FMN1: variants seen among roughly 807,000 people sequenced by gnomAD.
The protein encoded by FMN1 is formin-1.
A neutral mutation model predicts 132.4 loss-of-function variants in FMN1; 110 were observed. The observed-to-expected ratio is 0.83, with a 90% CI of 0.71 to 0.97. The LOEUF (loss-of-function observed/expected upper bound fraction) is 0.97. FMN1 is among the 50% of genes least tolerant of loss of function. The probability of loss-of-function intolerance (pLI) is 0.00; values close to 1 mark genes in which losing one functional copy is unlikely to be tolerated. For synonymous variants in FMN1, 722 were observed against 651.7 expected, an observed-to-expected ratio of 1.11 and a Z score of -1.64; for missense variants, 1,792 against 1,705.3, an observed-to-expected ratio of 1.05 and a Z score of -0.90.
At chr15:32,930,594 T>C (rs1054390558) in intron 9 of FMN1, among the ~76,000 whole-genome samples, 6 of 152,120 alleles carry the variant, frequency 3.9e-5, no homozygotes, top group Non-Finnish European at 7.4e-5. Flanking sequence ...ATCAGACATA[T>C]GGTTTGCAAA....
chr15:32,931,542 A>T (rs1276543851), intron 9 of FMN1, among the ~76,000 whole-genome samples: 1 of 152,074 alleles, frequency 6.6e-6, no homozygotes, highest in Non-Finnish European at 1.5e-5. Context: ...TTGTTTGTTG[A>T]TTTGGAATCC....
intron 6 of FMN1, among the ~76,000 whole-genome samples, chr15:33,058,642 G>A (rs1343323315): frequency 6.6e-6 from 1 of 152,172 alleles, no homozygotes; most frequent in East Asian, 1.9e-4. Context: ...AAAGAACAGC[G>A]TGAAACAACC....
chr15:32,890,817 G>T (rs146300253), intron 15 of FMN1, among the ~76,000 whole-genome samples: 2,983 of 152,230 alleles, frequency 0.02, 67 homozygotes, highest in East Asian at 0.11. Context: ...CCTTGCCTAA[G>T]CCAACATCTA....
At chr15:32,973,574 T>TCCCCCCCCCC (rs1244811951) in intron 7 of FMN1, among the ~76,000 whole-genome samples, 1 of 142,698 alleles carries the variant, frequency 7.0e-6, no homozygotes, top group African/African-American at 2.8e-5. Flanking sequence ...TCTCTGCCCC[T>TCCCCCCCCCC]CACCCCCCCC....
intron 7 of FMN1, among the ~76,000 whole-genome samples, chr15:32,992,352 T>C (rs1354569285): frequency 6.6e-6 from 1 of 152,214 alleles, no homozygotes; most frequent in African/African-American, 2.4e-5. Flanking sequence ...CTCATTATAA[T>C]AATCACAGAT....
At chr15:32,947,297 C>T (rs1244953242) in intron 9 of FMN1, among the ~76,000 whole-genome samples, 1 of 152,024 alleles carries the variant, frequency 6.6e-6, no homozygotes, top group Non-Finnish European at 1.5e-5. Flanking sequence ...ATCTGAGATA[C>T]CACATTTGTC....
chr15:33,076,046 T>G (rs1157860790), intron 5 of FMN1, among the ~76,000 whole-genome samples: 1 of 152,184 alleles, frequency 6.6e-6, no homozygotes, highest in Non-Finnish European at 1.5e-5. Context: ...ATGGATTTAA[T>G]ATTGATGACA....
intron 4 of FMN1, among the ~76,000 whole-genome samples, chr15:33,144,420 A>G (rs1336713936): frequency 6.6e-6 from 1 of 152,102 alleles, no homozygotes; most frequent in Non-Finnish European, 1.5e-5. Flanking sequence ...GCGGATCATG[A>G]GGTCAGGAGA....
intron 6 of FMN1, among the ~76,000 whole-genome samples, chr15:33,062,385 G>A (rs1275668332): frequency 6.6e-6 from 1 of 152,254 alleles, no homozygotes; most frequent in Admixed American, 6.5e-5. Flanking sequence ...ACTTTGGGAG[G>A]TCGAGGCGGG....
At position 32,900,087 on chromosome 15, in the gene FMN1, A is replaced by C; in HGVS notation, c.3546T>G (p.Ala1182=). The C allele has an allele frequency of 6.2e-7, 1 of 1,613,836 alleles. No individual in the cohort carries two copies. The highest frequency in any genetic ancestry group is 8.5e-7 in the Non-Finnish European group (1 of 1,179,842). The part of the protein sequence containing the change: ...LHVKSVKDIL[A]LILAFGNYMN... ...TATAATTTCCAAAAGCCAAGATGAGAGCTAAAATATCCTTCACGCTCTTCA... is the reference window on the plus strand; with the variant it reads ...TATAATTTCCAAAAGCCAAGATGAGCGCTAAAATATCCTTCACGCTCTTCA... Residue 1182 remains alanine, a synonymous_variant, in exon 14 of 21, where the codon GCT becomes GCG. Transcript: ENST00000616417.
Position 33,191,321 on chromosome 15 carries a change from G to A in FMN1, c.-197+2588C>T, listed in dbSNP as rs111888883. 4.7e-3 allele frequency among the ~76,000 whole-genome samples: 722 copies of A among 152,258 alleles called. 8 individuals carry two copies. The highest frequency in any genetic ancestry group is 0.016 in the African/African-American group (678 of 41,528). ...TAGAAGGAAGAGATAGGCATAGTTC[G>A]AATAAGATGGAACATAAAACAAGTC... On this transcript the variant is annotated intron_variant, in intron 2 of 20. Coordinates refer to ENST00000616417, the MANE Select transcript of FMN1 (RefSeq NM_001277313.2).
At chr15:32,786,886 A>C (rs1433319031) in intron 19 of FMN1, among the ~76,000 whole-genome samples, 1 of 152,164 alleles carries the variant, frequency 6.6e-6, no homozygotes, top group Non-Finnish European at 1.5e-5. Flanking sequence ...AGGTCTTTTG[A>C]TACTACTCGA....
At chr15:33,149,313 T>C (rs1566952791) in intron 4 of FMN1, among the ~76,000 whole-genome samples, 1 of 152,188 alleles carries the variant, frequency 6.6e-6, no homozygotes, top group Non-Finnish European at 1.5e-5. Context: ...CCTGAGAGCA[T>C]TTTATGTATT....
intron 7 of FMN1, among the ~76,000 whole-genome samples, chr15:33,000,249 A>G (rs1244882030): frequency 1.3e-5 from 2 of 152,108 alleles, no homozygotes; most frequent in Non-Finnish European, 2.9e-5. Flanking sequence ...GGAGATCAAG[A>G]CTATGCCGGC....
At chr15:33,185,099 T>C (rs566776690) in intron 2 of FMN1, among the ~76,000 whole-genome samples, 2 of 152,338 alleles carry the variant, frequency 1.3e-5, no homozygotes, top group Admixed American at 1.3e-4. Context: ...GTTTAAAGCA[T>C]GATTATTGAA....
At chr15:32,937,857 TCTTC>T (rs1470132057) in intron 9 of FMN1, among the ~76,000 whole-genome samples, 1 of 152,218 alleles carries the variant, frequency 6.6e-6, no homozygotes, top group Non-Finnish European at 1.5e-5. Flanking sequence ...TTTTAAAAGA[TCTTC>T]CTTAAGATAT....
In FMN1 at chr15:32,901,922, G is replaced by A. The variant is rs370217412; in HGVS notation, c.3496C>T (p.Arg1166Ter). 20 of 1,607,632 alleles carry A rather than the reference G, an allele frequency of 1.2e-5. No homozygotes were observed. The highest frequency in any genetic ancestry group is 6.7e-5 in the African/African-American group (5 of 74,560). Residue 1166 changes from arginine (R) to a stop codon, truncating the protein, a stop_gained, in exon 13 of 21, where the codon CGA becomes TGA. Coordinates refer to ENST00000616417, the MANE Select transcript of FMN1 (RefSeq NM_001277313.2). LOFTEE classifies it high-confidence loss of function. ...GACAGTAAACATACCTTAGAAGCTC[G>A]CGTGATGATCTCTACCTTTCTGTGC... ...SLHRKVEIIT[R>*]ASKDLLHVKS...
At chr15:32,834,631 C>T (rs868107304) in intron 17 of FMN1, among the ~76,000 whole-genome samples, 4 of 152,310 alleles carry the variant, frequency 2.6e-5, no homozygotes, top group Middle Eastern at 3.4e-3. Context: ...ACTCATCTCC[C>T]TTTTAGCCTT....
intron 9 of FMN1, among the ~76,000 whole-genome samples, chr15:32,944,847 C>A (rs1173163349): frequency 6.6e-6 from 1 of 151,968 alleles, no homozygotes; most frequent in African/African-American, 2.4e-5. Flanking sequence ...GAAGACAAAC[C>A]CCCAAACAAA....
Sources: allele counts gnomAD v4.1 joint callset (sites outside exome capture counted in the v4.1 genomes callset), GRCh38; gene constraint gnomAD v4.1.1; transcripts MANE v1.5; gene names NCBI Gene and HGNC (gene_info 2026-07-23, HGNC 2026-07-21).